The following MYO5A variants were observed in gnomAD, a reference collection of about 807,000 sequenced individuals.
MYO5A encodes the protein myosin VA, also known as unconventional myosin-Va.
In MYO5A, 98 loss-of-function variants were observed where a neutral mutation model predicts 249.7. The ratio of observed to expected loss-of-function variants is 0.39; its 90% CI spans 0.33 to 0.46. The LOEUF (loss-of-function observed/expected upper bound fraction) is 0.46, where lower values mean the gene tolerates loss of function less well. Ranked by LOEUF, MYO5A falls within the 20% of genes least tolerant of loss-of-function variation. MYO5A has a pLI of 0.98. For synonymous variants in MYO5A, 778 were observed against 810.6 expected, an observed-to-expected ratio of 0.96 and a Z score of 0.68; for missense variants, 1,696 against 2,308.8, an observed-to-expected ratio of 0.73 and a Z score of 5.44.
chr15:52,492,828 G>T (rs2076961130), intron 1 of MYO5A, among the ~76,000 whole-genome samples: 1 of 152,238 alleles, frequency 6.6e-6, no homozygotes, highest in African/African-American at 2.4e-5. Context: ...TGATACTGTT[G>T]AAGTTGGGGC....
chr15:52,459,174 T>A (rs980428689), intron 1 of MYO5A, among the ~76,000 whole-genome samples: 3 of 131,172 alleles, frequency 2.3e-5, no homozygotes, highest in African/African-American at 8.9e-5. Context: ...TTTTTTTTTT[T>A]AGTATTTATT....
intron 1 of MYO5A, among the ~76,000 whole-genome samples, chr15:52,481,022 T>C (rs1389125664): frequency 6.6e-6 from 1 of 152,234 alleles, no homozygotes; most frequent in South Asian, 2.1e-4. Context: ...GCTAGAGCCA[T>C]GGCATTTGGT....
chr15:52,314,887 T>C (rs2037923860), intron 40 of MYO5A, among the ~76,000 whole-genome samples: 1 of 152,194 alleles, frequency 6.6e-6, no homozygotes, highest in Non-Finnish European at 1.5e-5. Context: ...ACCTGTGCTG[T>C]CCAATACAAC....
At chr15:52,497,058 C>T (rs570577176) in intron 1 of MYO5A, among the ~76,000 whole-genome samples, 94 of 152,282 alleles carry the variant, frequency 6.2e-4, no homozygotes, top group African/African-American at 2.1e-3. Flanking sequence ...ACCTCTCAGG[C>T]TCAAGCGATT....
At chr15:52,505,623 T>C in intron 1 of MYO5A, 1 of 1,352,280 alleles carries the variant, frequency 7.4e-7, no homozygotes, top group Non-Finnish European at 1.1e-6. Flanking sequence ...TCTTATTAGA[T>C]GTGAAATCTT....
chr15:52,397,115 AAC>A (rs1437485275), intron 10 of MYO5A, 84 bp downstream of exon 10: 2 of 1,501,542 alleles, frequency 1.3e-6, no homozygotes, highest in African/African-American at 2.8e-5. Context: ...ACCAGTAGGA[AAC>A]AGAATCAAAT....
intron 1 of MYO5A, among the ~76,000 whole-genome samples, chr15:52,449,960 C>A (rs2075980426): frequency 6.6e-6 from 1 of 152,064 alleles, no homozygotes; most frequent in African/African-American, 2.4e-5. Context: ...CAAGATCTTG[C>A]CACTGCACTC....
intron 8 of MYO5A, 45 bp from the exon 9 acceptor site, chr15:52,405,438 A>G (rs1282885067): frequency 2.9e-6 from 4 of 1,392,376 alleles, no homozygotes; most frequent in Non-Finnish European, 4.1e-6. Flanking sequence ...TTCAGAATAG[A>G]AACTAAACAA....
At position 52,370,479 on chromosome 15, in the gene MYO5A, GA is replaced by G. The variant is rs201598303; in HGVS notation, c.2818-63del. 1,899 of 1,511,322 alleles carry G rather than the reference GA, an allele frequency of 1.3e-3. 22 individuals carry two copies. In the African/African-American group the frequency reaches 0.023, roughly 18 times the overall value. 93.6% of individuals were successfully genotyped at this position (1,511,322 alleles called of 1,614,324 possible). A position where few individuals can be genotyped will look rare whatever the true frequency, so the allele number is the denominator to read the frequency against. On this transcript the variant is annotated intron_variant, in intron 21 of 41. Transcript: ENST00000399233. The stretch of plus-strand genomic sequence containing the variant: ...ACATATCATCAAATGTATTTAGTAA[GA>G]AAACCATGTTTATTCATCATATTCA...
chr15:52,328,089 C>T, intron 35 of MYO5A, 83 bp from the exon 36 acceptor site: 1 of 1,136,356 alleles, frequency 8.8e-7, no homozygotes, highest in South Asian at 1.3e-5. Flanking sequence ...ACACAGTTGT[C>T]ATGTAAGAGT....
intron 34 of MYO5A, among the ~76,000 whole-genome samples, chr15:52,331,233 T>C (rs1028171380): frequency 4.2e-4 from 64 of 152,146 alleles, no homozygotes; most frequent in African/African-American, 1.5e-3. Context: ...ATTCTACTTA[T>C]AAAGTTGCAA....
chr15:52,470,577 G>A (rs375588880), intron 1 of MYO5A, among the ~76,000 whole-genome samples: 29 of 152,050 alleles, frequency 1.9e-4, no homozygotes, highest in African/African-American at 6.8e-4. Flanking sequence ...TTGAACCTGG[G>A]AGGTGGAGGT....
chr15:52,364,001 G>A (rs1232842541), intron 24 of MYO5A, among the ~76,000 whole-genome samples: 1 of 152,172 alleles, frequency 6.6e-6, no homozygotes, highest in East Asian at 1.9e-4. Context: ...CACTTTGGGA[G>A]GCCAAGGTGG....
chr15:52,464,259 C>A (rs560232388), intron 1 of MYO5A, among the ~76,000 whole-genome samples: 1 of 152,296 alleles, frequency 6.6e-6, no homozygotes, highest in Admixed American at 6.5e-5. Context: ...TGTGATCTGG[C>A]CCCTACCCAC....
In MYO5A at chr15:52,368,085, G is replaced by C. The variant is rs1290352172; in HGVS notation, c.3067-961C>G. Among the ~76,000 whole-genome samples, 5 of 152,180 alleles carry C rather than the reference G, an allele frequency of 3.3e-5. No homozygotes were observed. In the East Asian group the frequency reaches 7.7e-4, roughly 23 times the overall value. On this transcript the variant is annotated intron_variant, in intron 22 of 41. Transcript: ENST00000399233. Reference sequence around the variant, plus strand: ...TTCCTTTTTCTAAGCTAAAGTTTAAGGAACTCTGAAAACAAGAGCTTTAAT... The same window carrying C: ...TTCCTTTTTCTAAGCTAAAGTTTAACGAACTCTGAAAACAAGAGCTTTAAT...
Position 52,391,923 on chromosome 15 carries a change from T to C in MYO5A, c.1542+7A>G. The C allele has an allele frequency of 6.2e-7, 1 of 1,612,280 alleles. No individual in the cohort carries two copies. Among genetic ancestry groups the C allele is most frequent in the Non-Finnish European group, 8.5e-7 (1 of 1,178,978 alleles). On this transcript the variant is annotated splice_region_variant and intron_variant, in intron 12 of 41. Transcript: ENST00000399233. ...ATAAACCAAGTACCCCAGGAAATCATACTTACCTTGCATTCCTCATCCAGT... is the reference window on the plus strand; with the variant it reads ...ATAAACCAAGTACCCCAGGAAATCACACTTACCTTGCATTCCTCATCCAGT...
Position 52,425,819 on chromosome 15 carries a change from C to T in MYO5A, c.455+11G>A, listed in dbSNP as rs1242087948. The stretch of plus-strand genomic sequence containing the variant: ...AACTGCCATAAAATAACAATGAAAG[C>T]TTCTACCAACCTGGCCATTTGCTTG... On this transcript the variant is annotated intron_variant, in intron 4 of 41. Transcript: ENST00000399233. The T allele has an allele frequency of 2.5e-6, 4 of 1,613,612 alleles. No individual in the cohort carries two copies. Among genetic ancestry groups the T allele is most frequent in the African/African-American group, 2.7e-5 (2 of 74,930 alleles).
intron 1 of MYO5A, among the ~76,000 whole-genome samples, chr15:52,481,976 T>C (rs929109413): frequency 6.6e-6 from 1 of 152,196 alleles, no homozygotes; most frequent in Non-Finnish European, 1.5e-5. Context: ...TCAGTAGAAT[T>C]ATAAGAACAT....
At chr15:52,453,419 T>C (rs758946043) in intron 1 of MYO5A, among the ~76,000 whole-genome samples, 5 of 151,708 alleles carry the variant, frequency 3.3e-5, no homozygotes, top group Non-Finnish European at 7.4e-5. Flanking sequence ...ACCTGTCTTA[T>C]AAGAAATACT....
Sources: gnomAD v4.1 joint callset for allele counts (sites outside exome capture counted in the v4.1 genomes callset) on GRCh38, gnomAD v4.1.1 for gene constraint, MANE v1.5 for transcripts, NCBI Gene and HGNC (gene_info 2026-07-23, HGNC 2026-07-21) for gene names.